The following DOCK11 variants were observed in gnomAD, a reference collection of about 807,000 sequenced individuals.
DOCK11 encodes dedicator of cytokinesis protein 11.
In DOCK11, 70 loss-of-function variants were observed where a neutral mutation model predicts 169.1. The observed-to-expected ratio is 0.41, with a 90% CI of 0.34 to 0.51. The LOEUF (loss-of-function observed/expected upper bound fraction) is 0.51. DOCK11 is among the 20% of genes least tolerant of loss of function. The pLI is 0.10. For missense variants in DOCK11, 1,166 were observed against 1,538.8 expected (o/e 0.76, Z 4.05); for synonymous variants, 529 against 541.3 (o/e 0.98, Z 0.32).
At chrX:118,535,401 C>T (rs1387735693) in intron 1 of DOCK11, among the ~76,000 whole-genome samples, 1 of 111,698 alleles carries the variant, frequency 9.0e-6, no homozygotes, top group South Asian at 3.7e-4. Context: ...AGATATAAAA[C>T]GCTTAACCGA....
intron 1 of DOCK11, among the ~76,000 whole-genome samples, chrX:118,531,358 G>A (rs958008125): frequency 1.6e-4 from 14 of 89,272 alleles, no homozygotes; most frequent in African/African-American, 5.0e-4. Context: ...AGGAGACTGA[G>A]GTGGGAGGAT....
At chrX:118,502,539 CAG>C (rs762832869) in intron 1 of DOCK11, among the ~76,000 whole-genome samples, 6 of 111,635 alleles carry the variant, frequency 5.4e-5, no homozygotes, top group Non-Finnish European at 9.4e-5. Flanking sequence ...ATGTGAGAGA[CAG>C]AGCATAAGCT....
Position 118,630,363 on chromosome X carries a change from C to T in DOCK11, c.3775-16C>T. 9.2e-7 allele frequency: 1 copy of T among 1,087,967 alleles called. No individual in the cohort carries two copies. The highest frequency in any genetic ancestry group is 1.3e-6 in the Non-Finnish European group (1 of 792,711). The allele number at this position is 1,087,967 out of a possible 1,213,427, so 89.7% of individuals were successfully genotyped here. A position where few individuals can be genotyped will look rare whatever the true frequency, so the allele number is the denominator to read the frequency against. ...AATTGTACTGATACTATTTCACGAA[C>T]ATCCTGTCCTTACAGACCCGACAGA... On this transcript the variant is annotated splice_polypyrimidine_tract_variant and intron_variant, in intron 34 of 52. Transcript: ENST00000276202.
chrX:118,511,075 C>G (rs1228023233), intron 1 of DOCK11, among the ~76,000 whole-genome samples: 2 of 112,234 alleles, frequency 1.8e-5, no homozygotes, highest in Non-Finnish European at 3.8e-5. Flanking sequence ...AAGAAGCACT[C>G]TATCGTAGAT....
intron 20 of DOCK11, among the ~76,000 whole-genome samples, chrX:118,597,127 A>G (rs2147437030): frequency 8.9e-6 from 1 of 112,424 alleles, no homozygotes; most frequent in South Asian, 3.7e-4. Context: ...TAAAGGTTTA[A>G]AATGTTTTCA....
rs1296003442 is a variant in DOCK11, at chrX:118,572,548, C to T, written c.1176+85C>T. ...CAAAATAATTTGTACACCAAACCTCCGTGACATGCAATTTACCTATATAAC... is the reference window on the plus strand; with the variant it reads ...CAAAATAATTTGTACACCAAACCTCTGTGACATGCAATTTACCTATATAAC... On this transcript the variant is annotated intron_variant, in intron 11 of 52. Coordinates refer to ENST00000276202, the MANE Select transcript of DOCK11 (RefSeq NM_144658.4). 8 of 942,322 alleles carry T rather than the reference C, an allele frequency of 8.5e-6. No homozygotes were observed. In the East Asian group the frequency reaches 1.6e-4, roughly 19 times the overall value. 77.7% of individuals were successfully genotyped at this position (942,322 alleles called of 1,213,427 possible). A position where few individuals can be genotyped will look rare whatever the true frequency, so the allele number is the denominator to read the frequency against.
At chrX:118,498,195 A>C (rs1467821767) in intron 1 of DOCK11, among the ~76,000 whole-genome samples, 1 of 112,610 alleles carries the variant, frequency 8.9e-6, no homozygotes, top group Non-Finnish European at 1.9e-5. Flanking sequence ...CTAGTAATCT[A>C]AATCAATGAA....
At chrX:118,670,939 A>T in intron 45 of DOCK11, 84 bp from the exon 46 acceptor site, 2 of 981,366 alleles carry the variant, frequency 2.0e-6, no homozygotes. Flanking sequence ...TTTGTTTTCT[A>T]CCAACTTGAA....
At chrX:118,544,644 G>GTTTTTTTTTTT (rs1439441148) in intron 4 of DOCK11, among the ~76,000 whole-genome samples, 1 of 45,709 alleles carries the variant, frequency 2.2e-5, no homozygotes, top group Non-Finnish European at 4.1e-5. Context: ...TTACACTGTT[G>GTTTTTTTTTTT]CTTTTTTTTT....
At chrX:118,529,703 G>T (rs971499678) in intron 1 of DOCK11, among the ~76,000 whole-genome samples, 1 of 111,720 alleles carries the variant, frequency 9.0e-6, no homozygotes, top group African/African-American at 3.3e-5. Context: ...CGAAGGAAGC[G>T]TAGGAAATAG....
intron 31 of DOCK11, among the ~76,000 whole-genome samples, chrX:118,619,086 T>G (rs926568287): frequency 1.7e-4 from 18 of 108,558 alleles, no homozygotes; most frequent in Middle Eastern, 4.7e-3. Context: ...CTCGAACTCC[T>G]GGCCTCAAGT....
chrX:118,522,908 G>A (rs4825589), intron 1 of DOCK11, among the ~76,000 whole-genome samples: 31,998 of 110,901 alleles, frequency 0.29, 3,681 homozygotes, highest in East Asian at 0.55. Context: ...AAGAATTCTA[G>A]GGGCATCTCA....
chrX:118,552,902 CA>C (rs1484080467), intron 6 of DOCK11, among the ~76,000 whole-genome samples: 1 of 111,104 alleles, frequency 9.0e-6, no homozygotes, highest in Admixed American at 9.5e-5. Flanking sequence ...AAGAAAACCC[CA>C]AAAAACAAAA....
At position 118,608,088 on chromosome X, in the gene DOCK11, G is replaced by T. The variant is rs2014579918; in HGVS notation, c.2698G>T (p.Val900Leu). The T allele has an allele frequency of 8.3e-7, 1 of 1,202,374 alleles. No individual in the cohort carries two copies. Among genetic ancestry groups the T allele is most frequent in the South Asian group, 1.8e-5 (1 of 55,338 alleles). Residue 900 changes from valine to leucine, a missense_variant, in exon 25 of 53, where the codon GTA (valine) becomes TTA (leucine). Physicochemically the swap from Val to Leu is conservative, Grantham distance 32. Coordinates refer to ENST00000276202, the MANE Select transcript of DOCK11 (RefSeq NM_144658.4). The part of the protein sequence containing the change: ...INCTMVLLHI[V>L]SKCHEEGLDS... ...TCGTTTCAGGGTTCTCTTACATATT[G>T]TATCAAAGTGCCATGAAGAAGGCTT... is the stretch of plus-strand genomic sequence containing the variant.
chrX:118,580,170 G>A lies in DOCK11; in HGVS notation c.1586G>A (p.Trp529Ter). The A allele has an allele frequency of 8.3e-7, 1 of 1,205,889 alleles. No individual in the cohort carries two copies. Among genetic ancestry groups the A allele is most frequent in the Non-Finnish European group, 1.1e-6 (1 of 892,470 alleles). The change falls in exon 14 of 53, where the codon TGG becomes TAG. Residue 529 changes from tryptophan (W) to a stop codon, truncating the protein, a stop_gained. Coordinates refer to ENST00000276202, the MANE Select transcript of DOCK11 (RefSeq NM_144658.4). LOFTEE classifies it high-confidence loss of function. Reference protein sequence around the residue: ...RLGQYRMPFAWAARPIFKDTQ... With the variant: ...RLGQYRMPFA The stretch of plus-strand genomic sequence containing the variant: ...GGACAATACAGAATGCCCTTCGCTT[G>A]GGCTGCCAGGTTTGTACAAATATAA...
chrX:118,566,131 A>C lies in DOCK11; in HGVS notation c.820A>C (p.Asn274His). ...LITLKKIIQI[N>H]TDSLVQEKKE... ...AACTTTGAAAAAGATTATTCAGATC[A>C]ACACCGACAGTTTAGTTCAAGAAAA... Residue 274 changes from asparagine to histidine, a missense_variant, in exon 8 of 53, where the codon AAC becomes CAC. Transcript: ENST00000276202. 14 of 1,209,854 alleles carry C rather than the reference A, an allele frequency of 1.2e-5. No homozygotes were observed. The highest frequency in any genetic ancestry group is 1.5e-5 in the Non-Finnish European group (13 of 894,742).
chrX:118,591,236 A>G (rs1003876763), intron 19 of DOCK11, among the ~76,000 whole-genome samples: 5 of 111,383 alleles, frequency 4.5e-5, no homozygotes, highest in African/African-American at 1.3e-4. Flanking sequence ...TCTCAATCCA[A>G]TGTCCCTAGT....
intron 8 of DOCK11, among the ~76,000 whole-genome samples, 161 bp downstream of exon 8, chrX:118,566,343 T>C (rs1036531839): frequency 8.9e-6 from 1 of 112,124 alleles, no homozygotes; most frequent in African/African-American, 3.2e-5. Context: ...TTTTAAACAG[T>C]TGATGCTGCA....
chrX:118,672,623 GGC>G lies in DOCK11; in HGVS notation c.5199+1479_5199+1480del, dbSNP rs1350425969. Among the ~76,000 whole-genome samples, 23 of 112,274 alleles carry G rather than the reference GGC, an allele frequency of 2.0e-4. No homozygotes were observed. The Admixed American group carries it at 2.1e-3, about 10-fold the overall frequency. ...AATATTTTTTTGTATTTTTAGTAGA[GGC>G]AGGGTTTCACCGTGTTAGCCAAGAT... On this transcript the variant is annotated intron_variant, in intron 46 of 52. Coordinates refer to ENST00000276202, the MANE Select transcript of DOCK11 (RefSeq NM_144658.4).
Sources: gnomAD v4.1 joint callset for allele counts (sites outside exome capture counted in the v4.1 genomes callset) on GRCh38, gnomAD v4.1.1 for gene constraint, MANE v1.5 for transcripts, NCBI Gene and HGNC (gene_info 2026-07-23, HGNC 2026-07-21) for gene names.